LPXN: variants seen among roughly 807,000 people sequenced by gnomAD.
The protein encoded by LPXN is leupaxin.
LPXN carries 28 observed loss-of-function variants against 45.6 expected under a neutral mutation model. That is an observed-to-expected ratio of 0.61 (90% CI 0.45 to 0.84). The LOEUF is 0.84. Among genes scored for constraint, LPXN ranks in the 40% least tolerant of loss-of-function variants. The pLI, the probability that LPXN is intolerant of heterozygous loss-of-function variation, is 0.00. For synonymous variants in LPXN, 166 were observed against 169.9 expected (o/e 0.98, Z 0.18); for missense variants, 459 against 475.0 (o/e 0.97, Z 0.31).
intron 4 of LPXN, chr11:58,554,067 T>C (rs1193996178): frequency 6.6e-6 from 1 of 152,562 alleles, no homozygotes; most frequent in East Asian, 1.9e-4. Context: ...ATCCCAGCAC[T>C]TTGGGAGGCC....
At chr11:58,570,130 C>A (rs1472426000) in intron 2 of LPXN, among the ~76,000 whole-genome samples, 2 of 151,964 alleles carry the variant, frequency 1.3e-5, no homozygotes, top group Admixed American at 1.3e-4. Context: ...ATGACAAAAC[C>A]CGTCTCTACT....
chr11:58,558,966 T>A (rs1854293421), intron 3 of LPXN, among the ~76,000 whole-genome samples: 1 of 151,886 alleles, frequency 6.6e-6, no homozygotes, highest in African/African-American at 2.4e-5. Flanking sequence ...AATAAATATT[T>A]AAAACATAAT....
chr11:58,578,043 A>C, upstream of LPXN: 2 of 1,551,002 alleles, frequency 1.3e-6, no homozygotes, highest in Non-Finnish European at 1.7e-6. Context: ...AATAATGTAG[A>C]CATGAACGCT....
rs183659910 is a variant in LPXN at position 58,531,043 on chromosome 11, T to A, written c.743-2852A>T. Among the ~76,000 whole-genome samples the A allele has an allele frequency of 2.6e-5, 4 of 152,214 alleles. No individual in the cohort carries two copies. The East Asian group carries it at 7.8e-4, about 30-fold the overall frequency. ...AAAGGACATCCACTCAGACACTCCA[T>A]CTGAAGGTCACCAACTTCAAAGACC... On this transcript the variant is annotated intron_variant, in intron 7 of 8. Transcript: ENST00000395074.
At chr11:58,537,564 AT>A (rs956202715) in intron 7 of LPXN, among the ~76,000 whole-genome samples, 12 of 152,068 alleles carry the variant, frequency 7.9e-5, no homozygotes, top group African/African-American at 2.9e-4. Context: ...AATGTAGATG[AT>A]GGGTTGATGG....
At position 58,537,945 on chromosome 11, in the gene LPXN, C is replaced by A. The variant is rs562019389; in HGVS notation, c.743-9754G>T. ...CCCTCCCCCCACCCCACAACAGTCC[C>A]CAGAGTGTGATGTTCCTCTTCCTGT... is the stretch of plus-strand genomic sequence containing the variant. On this transcript the variant is annotated intron_variant, in intron 7 of 8. Transcript: ENST00000395074. Among the ~76,000 whole-genome samples the A allele has an allele frequency of 2.0e-3, 261 of 132,960 alleles. 1 individual carries two copies. The highest frequency in any genetic ancestry group is 8.7e-3 in the Middle Eastern group (2 of 230). 87.2% of individuals were successfully genotyped at this position (132,960 alleles called of 152,430 possible). A position where few individuals can be genotyped will look rare whatever the true frequency, so the allele number is the denominator to read the frequency against.
intron 2 of LPXN, among the ~76,000 whole-genome samples, chr11:58,564,467 T>A (rs929720989): frequency 2.0e-5 from 3 of 152,092 alleles, no homozygotes; most frequent in African/African-American, 7.2e-5. Flanking sequence ...GAGAAGTTGA[T>A]CCTCCTTAGA....
chr11:58,578,384 A>G (rs549889729), upstream of LPXN, among the ~76,000 whole-genome samples: 1 of 152,162 alleles, frequency 6.6e-6, no homozygotes, highest in Non-Finnish European at 1.5e-5. Flanking sequence ...CCTAGGCGAA[A>G]TAAGACTTCA....
intron 3 of LPXN, among the ~76,000 whole-genome samples, chr11:58,556,938 A>T (rs888153633): frequency 6.6e-6 from 1 of 152,222 alleles, no homozygotes; most frequent in African/African-American, 2.4e-5. Context: ...GCCAAAAGGT[A>T]TATGAAAAGG....
At position 58,543,144 on chromosome 11, in the gene LPXN, C is replaced by T. The variant is rs144694988; in HGVS notation, c.742+6642G>A. On this transcript the variant is annotated intron_variant, in intron 7 of 8. Transcript: ENST00000395074. ...TGCAGAGTAGGTCGTAGTTAGTTGG[C>T]TAGTTTGATTACTGTTTGTCTCCTC... 2.4e-3 allele frequency among the ~76,000 whole-genome samples: 363 copies of T among 152,216 alleles called. 1 individual carries two copies. Among genetic ancestry groups the T allele is most frequent in the Non-Finnish European group, 4.3e-3 (290 of 67,992 alleles).
At chr11:58,578,790 T>G (rs995053054), upstream of LPXN, among the ~76,000 whole-genome samples, 7 of 151,770 alleles carry the variant, frequency 4.6e-5, no homozygotes, top group Admixed American at 3.9e-4. Flanking sequence ...CTCACCCGCC[T>G]CCCTCGCGAG....
At chr11:58,554,276 A>G (rs1854137050) in intron 4 of LPXN, 1 of 154,124 alleles carries the variant, frequency 6.5e-6, no homozygotes, top group Admixed American at 6.5e-5. Flanking sequence ...TAGCGCTACT[A>G]CACTCTAGCC....
At chr11:58,566,513 C>A (rs916740617) in intron 2 of LPXN, among the ~76,000 whole-genome samples, 1 of 152,182 alleles carries the variant, frequency 6.6e-6, no homozygotes, top group Non-Finnish European at 1.5e-5. Flanking sequence ...CATAGACTTT[C>A]ACAATTTTTC....
intron 1 of LPXN, among the ~76,000 whole-genome samples, chr11:58,572,844 TGAA>T (rs1321317898): frequency 2.6e-5 from 4 of 152,194 alleles, no homozygotes; most frequent in Admixed American, 6.5e-5. Context: ...GTAAGACTGA[TGAA>T]GAACTGATTG....
intron 7 of LPXN, among the ~76,000 whole-genome samples, chr11:58,548,664 G>A (rs1853946539): frequency 1.3e-5 from 2 of 152,164 alleles, no homozygotes; most frequent in Admixed American, 1.3e-4. Flanking sequence ...CCATGTGCTT[G>A]GCACTATTCT....
At chr11:58,536,695 A>G (rs1333547896) in intron 7 of LPXN, among the ~76,000 whole-genome samples, 1 of 152,230 alleles carries the variant, frequency 6.6e-6, no homozygotes, top group Non-Finnish European at 1.5e-5. Flanking sequence ...TGCACAGCAA[A>G]ATAAACTATC....
At chr11:58,539,680 T>G (rs923638451) in intron 7 of LPXN, among the ~76,000 whole-genome samples, 1 of 152,118 alleles carries the variant, frequency 6.6e-6, no homozygotes, top group Non-Finnish European at 1.5e-5. Flanking sequence ...AAATAAAAAT[T>G]TATTAGTCTC....
rs556108840 is a variant in LPXN at position 58,537,759 on chromosome 11, G to T, written c.743-9568C>A. Reference sequence around the variant, plus strand: ...ATCTAAAGACAAAACAAGCTACAAAGAAATATTTTATTTTATTTTATTATT... The same window carrying T: ...ATCTAAAGACAAAACAAGCTACAAATAAATATTTTATTTTATTTTATTATT... On this transcript the variant is annotated intron_variant, in intron 7 of 8. Transcript: ENST00000395074. Among the ~76,000 whole-genome samples, 7 of 152,056 alleles carry T rather than the reference G, an allele frequency of 4.6e-5. No individual in the cohort carries two copies. The South Asian group carries it at 1.5e-3, about 32-fold the overall frequency.
At chr11:58,547,552 A>T (rs1173300017) in intron 7 of LPXN, among the ~76,000 whole-genome samples, 1 of 152,132 alleles carries the variant, frequency 6.6e-6, no homozygotes, top group Non-Finnish European at 1.5e-5. Context: ...TAGTGTTTCA[A>T]CCCTAGAGCA....
Sources: gnomAD v4.1 joint callset for allele counts (sites outside exome capture counted in the v4.1 genomes callset) on GRCh38, gnomAD v4.1.1 for gene constraint, MANE v1.5 for transcripts, NCBI Gene and HGNC (gene_info 2026-07-23, HGNC 2026-07-21) for gene names.